Variants in PARVA observed in about 807,000 individuals in gnomAD.
PARVA encodes the protein parvin alpha.
PARVA carries 25 observed loss-of-function variants against 52.6 expected under a neutral mutation model. The observed-to-expected ratio is 0.48, with a 90% confidence interval of 0.35 to 0.66. The LOEUF is 0.66. Among genes scored for constraint, PARVA ranks in the 30% least tolerant of loss-of-function variants. PARVA has a pLI of 0.01. For missense variants in PARVA, 373 were observed against 450.9 expected, an observed-to-expected ratio of 0.83 and a Z score of 1.56; for synonymous variants, 185 against 179.1, an observed-to-expected ratio of 1.03 and a Z score of -0.26.
At chr11:12,514,169 G>A (rs1036538349) in intron 10 of PARVA, 104 bp downstream of exon 10, 3 of 826,788 alleles carry the variant, frequency 3.6e-6, no homozygotes, top group Non-Finnish European at 6.2e-6. Flanking sequence ...CAGCTGAGGG[G>A]GATGAGGGCA....
At chr11:12,453,881 C>T (rs930845211) in intron 1 of PARVA, among the ~76,000 whole-genome samples, 6 of 152,260 alleles carry the variant, frequency 3.9e-5, no homozygotes, top group African/African-American at 9.6e-5. Context: ...CCATGGTGAG[C>T]GAGCCCTCTT....
At position 12,534,975 on chromosome 11, in the gene PARVA, G is replaced by A. The variant is rs977577457; in HGVS notation, c.*7050G>A. ...TGGGGATGTTTGACTTAAAATGATG[G>A]ACAATAAGATAGTGAGCAGTAAGTG... On this transcript the variant is annotated 3_prime_UTR_variant, in exon 13 of 13. Transcript: ENST00000334956. Among the ~76,000 whole-genome samples, 1 of 152,194 alleles carries A rather than the reference G, an allele frequency of 6.6e-6. No homozygotes were observed. The highest frequency in any genetic ancestry group is 2.4e-5 in the African/African-American group (1 of 41,456).
chr11:12,509,273 C>T (rs1564866321), intron 7 of PARVA, among the ~76,000 whole-genome samples: 1 of 152,088 alleles, frequency 6.6e-6, no homozygotes, highest in African/African-American at 2.4e-5. Context: ...GCTCCCCAGA[C>T]TTTTCTCTGA....
chr11:12,460,254 T>C (rs1041204588), intron 1 of PARVA, among the ~76,000 whole-genome samples: 7 of 152,150 alleles, frequency 4.6e-5, no homozygotes, highest in African/African-American at 1.7e-4. Context: ...GTGTTAAGGA[T>C]GTGAGAGCTC....
At chr11:12,524,304 A>T (rs1207747892) in intron 12 of PARVA, among the ~76,000 whole-genome samples, 1 of 152,218 alleles carries the variant, frequency 6.6e-6, no homozygotes, top group Non-Finnish European at 1.5e-5. Context: ...GATTCAGAGA[A>T]TTTAAGTGAC....
chr11:12,449,610 A>G (rs1940597180), intron 1 of PARVA, among the ~76,000 whole-genome samples: 1 of 152,054 alleles, frequency 6.6e-6, no homozygotes, highest in South Asian at 2.1e-4. Flanking sequence ...TCCTCTCTGT[A>G]TGTGGTACTT....
At chr11:12,522,846 A>AAAAG (rs1188734635) in intron 12 of PARVA, among the ~76,000 whole-genome samples, 3 of 152,168 alleles carry the variant, frequency 2.0e-5, no homozygotes, top group African/African-American at 7.2e-5. Flanking sequence ...GTGAAATACA[A>AAAAG]AAAGAGGCAA....
chr11:12,386,072 G>A (rs1051387588), intron 1 of PARVA, among the ~76,000 whole-genome samples: 3 of 152,158 alleles, frequency 2.0e-5, no homozygotes, highest in Admixed American at 2.0e-4. Flanking sequence ...GAAATACTGT[G>A]TTATCCACCC....
rs549029253 is a variant in PARVA at position 12,501,609 on chromosome 11, T to C, written c.542-2705T>C. ...GAACAAAGGATTTCTGTGCTTCATA[T>C]TTAAAAGTTTGAAAAATGCTGATCT... On this transcript the variant is annotated intron_variant, in intron 5 of 12. Transcript: ENST00000334956. Among the ~76,000 whole-genome samples the C allele has an allele frequency of 2.6e-5, 4 of 152,354 alleles. No homozygotes were observed. In the South Asian group the frequency reaches 8.3e-4, roughly 32 times the overall value.
At chr11:12,404,187 T>C (rs750645322) in intron 1 of PARVA, among the ~76,000 whole-genome samples, 3 of 152,052 alleles carry the variant, frequency 2.0e-5, no homozygotes, top group African/African-American at 7.2e-5. Flanking sequence ...GTAGTCTATT[T>C]ATTCATTTTT....
Position 12,532,639 on chromosome 11 carries a change from A to G in PARVA, c.*4714A>G, listed in dbSNP as rs1941786163. 6.6e-6 allele frequency among the ~76,000 whole-genome samples: 1 copy of G among 152,244 alleles called. No homozygotes were observed. The highest frequency in any genetic ancestry group is 6.5e-5 in the Admixed American group (1 of 15,282). Reference sequence around the variant, plus strand: ...TCGCGATGGAGAAGTACTAAAATCTATGAAAGAGTTCTAATGTAGATTTAA... The same window carrying G: ...TCGCGATGGAGAAGTACTAAAATCTGTGAAAGAGTTCTAATGTAGATTTAA... On this transcript the variant is annotated 3_prime_UTR_variant, in exon 13 of 13. Transcript: ENST00000334956.
intron 1 of PARVA, among the ~76,000 whole-genome samples, chr11:12,379,909 GT>G (rs1168647826): frequency 6.6e-6 from 1 of 152,146 alleles, no homozygotes; most frequent in Non-Finnish European, 1.5e-5. Flanking sequence ...GTCTCATCCA[GT>G]TTAAGATGGG....
chr11:12,503,198 C>A (rs1176252188), intron 5 of PARVA, among the ~76,000 whole-genome samples: 1 of 152,188 alleles, frequency 6.6e-6, no homozygotes, highest in Admixed American at 6.5e-5. Flanking sequence ...GACACTCAAG[C>A]CAAGTAACAT....
At chr11:12,423,653 T>C (rs1315595618) in intron 1 of PARVA, among the ~76,000 whole-genome samples, 1 of 152,238 alleles carries the variant, frequency 6.6e-6, no homozygotes, top group African/African-American at 2.4e-5. Context: ...TATGGTGAGT[T>C]ATGGATATAA....
intron 1 of PARVA, among the ~76,000 whole-genome samples, chr11:12,421,039 A>C (rs1554894404): frequency 6.9e-6 from 1 of 145,978 alleles, no homozygotes; most frequent in Non-Finnish European, 1.5e-5. Flanking sequence ...TGTACTTCTC[A>C]ATCAGTACCG....
chr11:12,503,382 A>T (rs904306814), intron 5 of PARVA, among the ~76,000 whole-genome samples: 1 of 152,106 alleles, frequency 6.6e-6, no homozygotes, highest in Non-Finnish European at 1.5e-5. Flanking sequence ...GGGAAGGGAG[A>T]GGGAGTGCAG....
At chr11:12,475,013 T>C (rs957780489) in intron 3 of PARVA, among the ~76,000 whole-genome samples, 11 of 151,802 alleles carry the variant, frequency 7.2e-5, no homozygotes, top group Non-Finnish European at 1.6e-4. Flanking sequence ...CAAATCTGAA[T>C]ACACGGTTCC....
intron 5 of PARVA, among the ~76,000 whole-genome samples, chr11:12,497,661 C>T (rs147047382): frequency 2.0e-4 from 31 of 152,208 alleles, no homozygotes; most frequent in African/African-American, 7.2e-4. Context: ...GTTCTTTGCC[C>T]GCAGAGGGAG....
rs962827677 is a variant in PARVA at position 12,467,749 on chromosome 11, C to G, written c.137-5996C>G. Among the ~76,000 whole-genome samples the G allele has an allele frequency of 1.8e-4, 28 of 152,242 alleles. 1 individual carries two copies. The highest frequency in any genetic ancestry group is 1.5e-4 in the Non-Finnish European group (10 of 68,044). On this transcript the variant is annotated intron_variant, in intron 1 of 12. Coordinates refer to ENST00000334956, the MANE Select transcript of PARVA (RefSeq NM_018222.5). ...AGCCTAAACATCTCACTGGGGCCCA[C>G]TGGCCCTGAAGGAGAAAGAACATCC...
Sources: gnomAD v4.1 joint callset for allele counts (sites outside exome capture counted in the v4.1 genomes callset) on GRCh38, gnomAD v4.1.1 for gene constraint, MANE v1.5 for transcripts, NCBI Gene and HGNC (gene_info 2026-07-23, HGNC 2026-07-21) for gene names.